The following LMO3 variants were observed in gnomAD, a reference collection of about 807,000 sequenced individuals.
The protein encoded by LMO3 is LIM domain only 3, also known as LIM domain only protein 3.
In LMO3, 2 loss-of-function variants were observed where a neutral mutation model predicts 15.8. That is an observed-to-expected ratio of 0.13 (90% CI 0.05 to 0.40). The LOEUF (loss-of-function observed/expected upper bound fraction) is 0.40. Among genes scored for constraint, LMO3 ranks in the 10% least tolerant of loss-of-function variants. The pLI, the probability that LMO3 is intolerant of heterozygous loss-of-function variation, is 0.99. For missense variants in LMO3, 86 were observed against 182.2 expected, an observed-to-expected ratio of 0.47 and a Z score of 3.04; for synonymous variants, 62 against 63.8, an observed-to-expected ratio of 0.97 and a Z score of 0.13.
rs184880499 is a variant in LMO3, at chr12:16,597,946, A to G, written c.206+2709T>C. ...TCTATGTAATTAAATAAACAATTAG[A>G]TAGTGGCAACTTTAGGTGTACCTTC... is the stretch of plus-strand genomic sequence containing the variant. On this transcript the variant is annotated intron_variant, in intron 2 of 3. Coordinates refer to ENST00000537304, the MANE Select transcript of LMO3 (RefSeq NM_018640.5). This position sits in a 1 kb window ranked among gnomAD's most constrained non-coding sequence, Gnocchi z 5.0. 4.6e-5 allele frequency: 7 copies of G among 152,102 alleles called. No individual in the cohort carries two copies. The East Asian group carries it at 5.8e-4, about 13-fold the overall frequency. The allele number at this position is 152,102 out of a possible 1,614,324, so 9.4% of individuals were successfully genotyped here. A position where few individuals can be genotyped will look rare whatever the true frequency, so the allele number is the denominator to read the frequency against.
upstream of LMO3, chr12:16,607,160 CTCCTT>C (rs1004736500): frequency 5.1e-5 from 7 of 137,298 alleles, no homozygotes; most frequent in Non-Finnish European, 1.1e-4. Flanking sequence ...CACACACACT[CTCCTT>C]CCTCCCTTCC....
In LMO3 at chr12:16,550,473, C is replaced by A. The variant is rs563913850; in HGVS notation, c.*749G>T. On this transcript the variant is annotated 3_prime_UTR_variant, in exon 4 of 4. Transcript: ENST00000537304. The stretch of plus-strand genomic sequence containing the variant: ...ACAAAAAAAGGATATTAAAAGGAAA[C>A]CTGTTAAGCTTTAAAGTTATTCTAA... The A allele has an allele frequency of 6.6e-6, 1 of 152,408 alleles. No homozygotes were observed. Among genetic ancestry groups the A allele is most frequent in the Non-Finnish European group, 1.5e-5 (1 of 67,876 alleles). The allele number at this position is 152,408 out of a possible 1,614,324, so 9.4% of individuals were successfully genotyped here.
Position 16,596,077 on chromosome 12 carries a change from C to T in LMO3, c.206+4578G>A, listed in dbSNP as rs929357005. On this transcript the variant is annotated intron_variant, in intron 2 of 3. Transcript: ENST00000537304. The surrounding 1 kb of genome is among the most constrained non-coding windows in gnomAD (Gnocchi z 4.3). ...TAATTATGTACCAATATAAAGCTGACCTTACATAAAAATTTAGAAGCACCA... is the reference window on the plus strand; with the variant it reads ...TAATTATGTACCAATATAAAGCTGATCTTACATAAAAATTTAGAAGCACCA... Among the ~76,000 whole-genome samples, 3 of 151,382 alleles carry T rather than the reference C, an allele frequency of 2.0e-5. No individual in the cohort carries two copies. The highest frequency in any genetic ancestry group is 7.3e-5 in the African/African-American group (3 of 41,354).
intron 3 of LMO3, among the ~76,000 whole-genome samples, chr12:16,553,818 A>G (rs533068361): frequency 2.0e-5 from 3 of 152,208 alleles, no homozygotes; most frequent in African/African-American, 7.2e-5. Context: ...AAGAAATGCT[A>G]ATTTCCAGTG....
rs899665883 is a variant in LMO3 at position 16,584,505 on chromosome 12, G to A, written c.206+16150C>T. ...CCCAGTGGAAAAGTGTTGAGTGAAC[G>A]TAACAGCAGAAATATACAGAGAATG... On this transcript the variant is annotated intron_variant, in intron 2 of 3. Coordinates refer to ENST00000537304, the MANE Select transcript of LMO3 (RefSeq NM_018640.5). The surrounding 1 kb of genome is among the most constrained non-coding windows in gnomAD (Gnocchi z 5.2). Among the ~76,000 whole-genome samples the A allele has an allele frequency of 3.3e-5, 5 of 152,106 alleles. No individual in the cohort carries two copies. The South Asian group carries it at 8.3e-4, about 25-fold the overall frequency.
chr12:16,590,053 G>A (rs1943442795), intron 2 of LMO3, among the ~76,000 whole-genome samples: 1 of 152,086 alleles, frequency 6.6e-6, no homozygotes, highest in African/African-American at 2.4e-5. Flanking sequence ...AAGTATGCAT[G>A]AAGATATCCC....
intron 2 of LMO3, among the ~76,000 whole-genome samples, chr12:16,572,325 T>C (rs1362822564): frequency 6.8e-6 from 1 of 147,630 alleles, no homozygotes; most frequent in East Asian, 2.0e-4. Context: ...GTTTTCTGCA[T>C]AGTGGTCCAA....
intron 1 of LMO3, chr12:16,605,134 A>G: frequency 7.1e-7 from 1 of 1,407,422 alleles, no homozygotes; most frequent in Non-Finnish European, 9.2e-7. Context: ...GCAGTGTGCA[A>G]AATGATGGCG....
chr12:16,575,446 A>G (rs887499100), intron 2 of LMO3, among the ~76,000 whole-genome samples: 1 of 152,212 alleles, frequency 6.6e-6, no homozygotes, highest in African/African-American at 2.4e-5. Context: ...ATCAATATCA[A>G]TACGAAATTT....
At position 16,585,921 on chromosome 12, in the gene LMO3, A is replaced by G. The variant is rs1041462059; in HGVS notation, c.206+14734T>C. Among the ~76,000 whole-genome samples, 2 of 152,192 alleles carry G rather than the reference A, an allele frequency of 1.3e-5. No individual in the cohort carries two copies. The highest frequency in any genetic ancestry group is 2.9e-5 in the Non-Finnish European group (2 of 68,034). ...ATTTATAGTCTCAGAAATCTTGCTT[A>G]TCCTAAGATCTGGGCGACATTTCAC... On this transcript the variant is annotated intron_variant, in intron 2 of 3. Coordinates refer to ENST00000537304, the MANE Select transcript of LMO3 (RefSeq NM_018640.5). The surrounding 1 kb of genome is among the most constrained non-coding windows in gnomAD (Gnocchi z 4.7).
In LMO3 at chr12:16,549,662, G is replaced by A. The variant is rs562841905; in HGVS notation, c.*1560C>T. On this transcript the variant is annotated 3_prime_UTR_variant, in exon 4 of 4. Coordinates refer to ENST00000537304, the MANE Select transcript of LMO3 (RefSeq NM_018640.5). ...AAAACAAAGAAAAAGAAAACCCATAGCACTAAGTTTGCTGTAGTGAAAATA... is the reference window on the plus strand; with the variant it reads ...AAAACAAAGAAAAAGAAAACCCATAACACTAAGTTTGCTGTAGTGAAAATA... The A allele has an allele frequency of 6.6e-6, 1 of 152,354 alleles. No individual in the cohort carries two copies. Among genetic ancestry groups the A allele is most frequent in the South Asian group, 2.1e-4 (1 of 4,828 alleles). The allele number at this position is 152,354 out of a possible 1,614,324, so 9.4% of individuals were successfully genotyped here.
upstream of LMO3, chr12:16,606,802 G>A (rs1430885237): frequency 1.3e-5 from 2 of 152,238 alleles, no homozygotes; most frequent in Non-Finnish European, 2.9e-5. Context: ...GGAGTCGACT[G>A]AGGAAGGACC....
Position 16,597,380 on chromosome 12 carries a change from A to T in LMO3, c.206+3275T>A, listed in dbSNP as rs574743686. 5.3e-4 allele frequency among the ~76,000 whole-genome samples: 80 copies of T among 151,910 alleles called. No individual in the cohort carries two copies. Among genetic ancestry groups the T allele is most frequent in the African/African-American group, 1.8e-3 (76 of 41,544 alleles). ...AATTATTATATTTTCATATTATTTA[A>T]TATCTCAAATCATCATTCAAAGAAC... On this transcript the variant is annotated intron_variant, in intron 2 of 3. Coordinates refer to ENST00000537304, the MANE Select transcript of LMO3 (RefSeq NM_018640.5). This position sits in a 1 kb window ranked among gnomAD's most constrained non-coding sequence, Gnocchi z 5.0.
rs1451672921 is a variant in LMO3 at position 16,584,693 on chromosome 12, G to A, written c.206+15962C>T. 6.6e-6 allele frequency among the ~76,000 whole-genome samples: 1 copy of A among 152,086 alleles called. No individual in the cohort carries two copies. Among genetic ancestry groups the A allele is most frequent in the Non-Finnish European group, 1.5e-5 (1 of 68,018 alleles). On this transcript the variant is annotated intron_variant, in intron 2 of 3. Transcript: ENST00000537304. The surrounding 1 kb of genome is among the most constrained non-coding windows in gnomAD (Gnocchi z 5.2). The stretch of plus-strand genomic sequence containing the variant: ...ACTTAAGTCCAAACATATTGCAATG[G>A]CTGCCATGAAGTTCAAGAAACAGCA...
At chr12:16,562,503 A>G (rs141344958) in intron 2 of LMO3, among the ~76,000 whole-genome samples, 1 of 152,326 alleles carries the variant, frequency 6.6e-6, no homozygotes, top group East Asian at 1.9e-4. Context: ...TCGCTAGCTG[A>G]GCATTTATCA....
rs755007848 is a variant in LMO3 at position 16,593,773 on chromosome 12, T to G, written c.206+6882A>C. On this transcript the variant is annotated intron_variant, in intron 2 of 3. Coordinates refer to ENST00000537304, the MANE Select transcript of LMO3 (RefSeq NM_018640.5). This position sits in a 1 kb window ranked among gnomAD's most constrained non-coding sequence, Gnocchi z 4.2. ...AAGGCATAAGCCAAAGGAATTGTTT[T>G]AAAGTTAGAAATGAAAAGCTAAATG... Among the ~76,000 whole-genome samples, 3 of 151,786 alleles carry G rather than the reference T, an allele frequency of 2.0e-5. No homozygotes were observed. The highest frequency in any genetic ancestry group is 7.2e-5 in the African/African-American group (3 of 41,406).
intron 2 of LMO3, among the ~76,000 whole-genome samples, chr12:16,572,339 C>CTTTTTTTTTTT (rs59773866): frequency 7.8e-5 from 7 of 89,530 alleles, no homozygotes; most frequent in East Asian, 3.5e-4. Context: ...GGTCCAAACT[C>CTTTTTTTTTTT]TTTTTTTTTT....
rs963749837 is a variant in LMO3 at position 16,586,279 on chromosome 12, A to G, written c.206+14376T>C. 6.6e-6 allele frequency among the ~76,000 whole-genome samples: 1 copy of G among 152,226 alleles called. No homozygotes were observed. The highest frequency in any genetic ancestry group is 2.4e-5 in the African/African-American group (1 of 41,468). ...AAGTTGTAATCTCTGGCAAGAACAC[A>G]GAGTGTTAAGATGTCATGATACGAT... is the stretch of plus-strand genomic sequence containing the variant. On this transcript the variant is annotated intron_variant, in intron 2 of 3. Coordinates refer to ENST00000537304, the MANE Select transcript of LMO3 (RefSeq NM_018640.5). This position sits in a 1 kb window ranked among gnomAD's most constrained non-coding sequence, Gnocchi z 4.3.
Position 16,598,917 on chromosome 12 carries a change from G to A in LMO3, c.206+1738C>T, listed in dbSNP as rs776063125. On this transcript the variant is annotated intron_variant, in intron 2 of 3. Transcript: ENST00000537304. This position sits in a 1 kb window ranked among gnomAD's most constrained non-coding sequence, Gnocchi z 4.3. ...TTATTAAAACACCTTAACATTGCCCGGGCTATATAAACTCCTTATTTGAAA... is the reference window on the plus strand; with the variant it reads ...TTATTAAAACACCTTAACATTGCCCAGGCTATATAAACTCCTTATTTGAAA... 1.3e-4 allele frequency: 41 copies of A among 312,880 alleles called. No homozygotes were observed. Among genetic ancestry groups the A allele is most frequent in the Non-Finnish European group, 2.4e-4 (38 of 155,294 alleles). 19.4% of individuals were successfully genotyped at this position (312,880 alleles called of 1,614,324 possible). A position where few individuals can be genotyped will look rare whatever the true frequency, so the allele number is the denominator to read the frequency against.
Sources: gnomAD v4.1 joint callset for allele counts (sites outside exome capture counted in the v4.1 genomes callset) on GRCh38, gnomAD v4.1.1 for gene constraint, Gnocchi (gnomAD v3.1) non-coding constraint, MANE v1.5 for transcripts, NCBI Gene and HGNC (gene_info 2026-07-23, HGNC 2026-07-21) for gene names.